Variants in SEMA3C observed in about 807,000 individuals in gnomAD.
SEMA3C encodes semaphorin-3C.
Under a neutral mutation model 89.4 loss-of-function variants are expected in SEMA3C, and 47 were observed. The ratio of observed to expected loss-of-function variants is 0.53; its 90% CI spans 0.42 to 0.67. SEMA3C has a LOEUF of 0.67. Among genes scored for constraint, SEMA3C ranks in the 30% least tolerant of loss-of-function variants. The pLI, the probability that SEMA3C is intolerant of heterozygous loss-of-function variation, is 0.00. For synonymous variants in SEMA3C, 310 were observed against 320.2 expected (o/e 0.97, Z 0.34); for missense variants, 839 against 929.1 (o/e 0.90, Z 1.26).
At chr7:80,767,179 G>A (rs770977976) in intron 12 of SEMA3C, among the ~76,000 whole-genome samples, 1 of 152,084 alleles carries the variant, frequency 6.6e-6, no homozygotes, top group African/African-American at 2.4e-5. Flanking sequence ...AGGCCCCTTG[G>A]TCAAGTTCCT....
chr7:80,905,067 G>A (rs1048948250), intron 2 of SEMA3C, among the ~76,000 whole-genome samples: 1 of 151,432 alleles, frequency 6.6e-6, no homozygotes, highest in Admixed American at 6.6e-5. Context: ...TTTGAACTCT[G>A]GGTATGAAAT....
chr7:80,849,562 A>T (rs1008131808), intron 2 of SEMA3C, among the ~76,000 whole-genome samples: 2 of 152,198 alleles, frequency 1.3e-5, no homozygotes, highest in African/African-American at 4.8e-5. Context: ...TGAAGGATCA[A>T]AAAGAAAGAA....
At chr7:80,839,872 C>T (rs1205607936) in intron 2 of SEMA3C, among the ~76,000 whole-genome samples, 1 of 151,956 alleles carries the variant, frequency 6.6e-6, no homozygotes, top group Non-Finnish European at 1.5e-5. Flanking sequence ...TGGAAAGAGT[C>T]TTAAAGCAAC....
At chr7:80,772,483 G>A (rs1788456001) in intron 12 of SEMA3C, among the ~76,000 whole-genome samples, 1 of 152,110 alleles carries the variant, frequency 6.6e-6, no homozygotes, top group Admixed American at 6.5e-5. Context: ...TTGGTAATTG[G>A]AAAGCTGTAA....
At chr7:80,800,722 G>A in intron 10 of SEMA3C, 35 bp downstream of exon 10, 1 of 1,284,802 alleles carries the variant, frequency 7.8e-7, no homozygotes, top group Non-Finnish European at 1.1e-6. Context: ...GAAGTTTATT[G>A]TTTAACTCAT....
At chr7:80,879,008 G>A (rs1178969924) in intron 2 of SEMA3C, among the ~76,000 whole-genome samples, 1 of 152,166 alleles carries the variant, frequency 6.6e-6, no homozygotes, top group Non-Finnish European at 1.5e-5. Flanking sequence ...GATAAGGGGT[G>A]AAAGTATTCT....
At chr7:80,749,883 T>G (rs1787886046) in intron 16 of SEMA3C, among the ~76,000 whole-genome samples, 1 of 152,178 alleles carries the variant, frequency 6.6e-6, no homozygotes, top group African/African-American at 2.4e-5. Flanking sequence ...AATATTTGTT[T>G]GATGTTACCT....
chr7:80,786,426 T>C (rs1168799923), intron 12 of SEMA3C, among the ~76,000 whole-genome samples: 1 of 150,106 alleles, frequency 6.7e-6, no homozygotes, highest in African/African-American at 2.4e-5. Context: ...AACTTGGCTG[T>C]GGCATCAAAG....
At chr7:80,799,535 ATAATC>A (rs1316623322) in intron 10 of SEMA3C, among the ~76,000 whole-genome samples, 1 of 152,160 alleles carries the variant, frequency 6.6e-6, no homozygotes, top group Non-Finnish European at 1.5e-5. Flanking sequence ...AATACATAAA[ATAATC>A]TCACATAGAA....
In SEMA3C at chr7:80,744,627, T is replaced by C. The variant is rs1419160379; in HGVS notation, c.*267A>G. On this transcript the variant is annotated 3_prime_UTR_variant, in exon 18 of 18. Transcript: ENST00000265361. ...CTAGTTTTGCAGCCACCATATCGATTTTGAAGAAAAGGTGAATAAAGATAT... is the reference window on the plus strand; with the variant it reads ...CTAGTTTTGCAGCCACCATATCGATCTTGAAGAAAAGGTGAATAAAGATAT... The C allele has an allele frequency of 4.5e-6, 2 of 447,574 alleles. No individual in the cohort carries two copies. Among genetic ancestry groups the C allele is most frequent in the African/African-American group, 2.0e-5 (1 of 49,862 alleles). 27.7% of individuals were successfully genotyped at this position (447,574 alleles called of 1,614,324 possible).
At chr7:80,796,643 G>A (rs1240762620) in intron 11 of SEMA3C, 1 of 152,160 alleles carries the variant, frequency 6.6e-6, no homozygotes, top group African/African-American at 2.4e-5. Context: ...ATCAAAGAGA[G>A]ATCATCTTAA....
At chr7:80,829,448 CTATT>C (rs1789959518) in intron 2 of SEMA3C, among the ~76,000 whole-genome samples, 1 of 152,068 alleles carries the variant, frequency 6.6e-6, no homozygotes, top group Non-Finnish European at 1.5e-5. Context: ...TTTTTGGACT[CTATT>C]TATTCATCAT....
chr7:80,774,485 T>C (rs544105398), intron 12 of SEMA3C, among the ~76,000 whole-genome samples: 44 of 151,984 alleles, frequency 2.9e-4, no homozygotes, highest in Non-Finnish European at 5.7e-4. Flanking sequence ...TTTCAACAAA[T>C]TAACAGACAG....
At chr7:80,868,329 G>A (rs1189328941) in intron 2 of SEMA3C, among the ~76,000 whole-genome samples, 1 of 152,076 alleles carries the variant, frequency 6.6e-6, no homozygotes, top group African/African-American at 2.4e-5. Context: ...GTGCAGCGAT[G>A]CAGTCTCAGC....
At chr7:80,785,725 C>A (rs539088766) in intron 12 of SEMA3C, among the ~76,000 whole-genome samples, 1 of 152,324 alleles carries the variant, frequency 6.6e-6, no homozygotes, top group South Asian at 2.1e-4. Flanking sequence ...GTTCAAGCCT[C>A]AGCCTCCCGA....
intron 2 of SEMA3C, among the ~76,000 whole-genome samples, chr7:80,859,117 AGTG>A (rs1411630162): frequency 3.3e-5 from 5 of 152,000 alleles, no homozygotes; most frequent in East Asian, 1.9e-4. Flanking sequence ...AAAAAAATAA[AGTG>A]GTGAAAACTC....
chr7:80,833,107 T>C (rs1040792421), intron 2 of SEMA3C, among the ~76,000 whole-genome samples: 2 of 152,080 alleles, frequency 1.3e-5, no homozygotes, highest in Non-Finnish European at 2.9e-5. Flanking sequence ...AAGCAAACAA[T>C]TGCAGTTCTC....
chr7:80,760,851 T>G (rs894017669), intron 14 of SEMA3C, among the ~76,000 whole-genome samples: 25 of 152,200 alleles, frequency 1.6e-4, no homozygotes, highest in Non-Finnish European at 3.5e-4. Context: ...TATGGTCAGA[T>G]TGGGATGCAA....
intron 2 of SEMA3C, among the ~76,000 whole-genome samples, chr7:80,896,450 A>T (rs868608178): frequency 1.3e-5 from 2 of 152,216 alleles, no homozygotes; most frequent in African/African-American, 4.8e-5. Context: ...AAGAAAAGTT[A>T]TATCTCAGAT....
Sources: gnomAD v4.1 joint callset for allele counts (sites outside exome capture counted in the v4.1 genomes callset) on GRCh38, gnomAD v4.1.1 for gene constraint, MANE v1.5 for transcripts, NCBI Gene and HGNC (gene_info 2026-07-23, HGNC 2026-07-21) for gene names.